Variants in KCNMA1 observed in about 807,000 individuals in gnomAD.
KCNMA1 encodes Calcium-activated potassium channel subunit alpha-1.
KCNMA1 carries 29 observed loss-of-function variants against 140.0 expected under a neutral mutation model. That is an observed-to-expected ratio of 0.21 (90% CI 0.15 to 0.28). The LOEUF is 0.28. Among genes scored for constraint, KCNMA1 ranks in the 10% least tolerant of loss-of-function variants. KCNMA1 has a pLI of 1.00. For synonymous variants in KCNMA1, 612 were observed against 611.9 expected (o/e 1.00, Z 0.00); for missense variants, 880 against 1,602.2 (o/e 0.55, Z 7.70).
intron 3 of KCNMA1, among the ~76,000 whole-genome samples, chr10:77,198,474 C>T (rs2041358041): frequency 6.6e-6 from 1 of 151,630 alleles, no homozygotes; most frequent in Non-Finnish European, 1.5e-5. Flanking sequence ...TCACCTCATA[C>T]ATATTGACCA....
chr10:76,952,151 G>A (rs2066507248), intron 21 of KCNMA1: 1 of 1,551,460 alleles, frequency 6.4e-7, no homozygotes, highest in Non-Finnish European at 8.7e-7. Flanking sequence ...ACGGCATCCA[G>A]CCTGTGACCT....
intron 1 of KCNMA1, among the ~76,000 whole-genome samples, chr10:77,436,152 C>T (rs887082780): frequency 2.0e-5 from 3 of 152,176 alleles, no homozygotes; most frequent in African/African-American, 7.2e-5. Flanking sequence ...AAGTCTGGTC[C>T]AAAATCCGTT....
intron 3 of KCNMA1, among the ~76,000 whole-genome samples, chr10:77,191,521 C>A (rs2098938211): frequency 6.6e-6 from 1 of 152,080 alleles, no homozygotes; most frequent in Admixed American, 6.6e-5. Context: ...AATATCGATT[C>A]TTCTCATGTT....
chr10:77,161,341 T>C (rs2098552107), intron 5 of KCNMA1, among the ~76,000 whole-genome samples: 1 of 152,042 alleles, frequency 6.6e-6, no homozygotes, highest in South Asian at 2.1e-4. Flanking sequence ...TCAACCTCTT[T>C]GCCTCAAGCG....
At chr10:77,529,859 T>G (rs1010451121) in intron 1 of KCNMA1, among the ~76,000 whole-genome samples, 1 of 152,128 alleles carries the variant, frequency 6.6e-6, no homozygotes, top group African/African-American at 2.4e-5. Flanking sequence ...GTGGACAGCC[T>G]GGCCTTGGAT....
At chr10:77,117,346 C>T (rs936956043) in intron 6 of KCNMA1, among the ~76,000 whole-genome samples, 2 of 151,628 alleles carry the variant, frequency 1.3e-5, no homozygotes, top group African/African-American at 4.8e-5. Flanking sequence ...GTCAAAAGTT[C>T]GAGACCAGCG....
rs1392875175 is a variant in KCNMA1 at position 77,393,289 on chromosome 10, C to T, written c.540+10573G>A. ...GAGGCTCAAGGGCTGTTCTTCTACC[C>T]CTGCCCCAGAAAAGGATTTGTTCTT... is the stretch of plus-strand genomic sequence containing the variant. On this transcript the variant is annotated intron_variant, in intron 2 of 27. Transcript: ENST00000286628. Among the ~76,000 whole-genome samples, 3 of 151,424 alleles carry T rather than the reference C, an allele frequency of 2.0e-5. No homozygotes were observed. The South Asian group carries it at 6.3e-4, about 32-fold the overall frequency.
At chr10:77,449,658 T>C (rs1171748157) in intron 1 of KCNMA1, among the ~76,000 whole-genome samples, 1 of 150,698 alleles carries the variant, frequency 6.6e-6, no homozygotes, top group Non-Finnish European at 1.5e-5. Context: ...TTTTTTTTTT[T>C]TTGAGACGGA....
intron 2 of KCNMA1, among the ~76,000 whole-genome samples, chr10:77,339,181 A>G (rs1000642131): frequency 1.3e-5 from 2 of 151,044 alleles, no homozygotes; most frequent in African/African-American, 4.9e-5. Context: ...CAATAAAGGA[A>G]AAAAAAAAGG....
In KCNMA1 at chr10:77,587,843, G is replaced by A. The variant is rs369657193; in HGVS notation, c.378+49422C>T. On this transcript the variant is annotated intron_variant, in intron 1 of 27. Transcript: ENST00000286628. ...TTATCTCACCGACAGATCATCTCACGGCCCCAGTCTTCAGATATATGTGCC... is the reference window on the plus strand; with the variant it reads ...TTATCTCACCGACAGATCATCTCACAGCCCCAGTCTTCAGATATATGTGCC... 212 of 985,274 alleles carry A rather than the reference G, an allele frequency of 2.2e-4. No individual in the cohort carries two copies. In the African/African-American group the frequency reaches 2.7e-3, roughly 13 times the overall value. 61.0% of individuals were successfully genotyped at this position (985,274 alleles called of 1,614,324 possible).
intron 14 of KCNMA1, among the ~76,000 whole-genome samples, chr10:77,039,843 T>C (rs1431928509): frequency 6.6e-6 from 1 of 151,778 alleles, no homozygotes; most frequent in African/African-American, 2.4e-5. Flanking sequence ...AAACACTTTT[T>C]TAACCTGTGT....
At chr10:77,053,671 G>T (rs550016175) in intron 14 of KCNMA1, among the ~76,000 whole-genome samples, 1 of 152,262 alleles carries the variant, frequency 6.6e-6, no homozygotes, top group Admixed American at 6.5e-5. Flanking sequence ...ACCTTAGAGG[G>T]TGGTTTTATA....
At chr10:76,904,258 T>G (rs867881798) in intron 25 of KCNMA1, 3 of 152,216 alleles carry the variant, frequency 2.0e-5, no homozygotes, top group African/African-American at 7.2e-5. Context: ...GTTTCCCTCC[T>G]CCAAGTCACT....
At chr10:77,070,391 C>T (rs1018392141) in intron 14 of KCNMA1, among the ~76,000 whole-genome samples, 5 of 152,098 alleles carry the variant, frequency 3.3e-5, no homozygotes, top group African/African-American at 1.2e-4. Context: ...CTGTTACAGT[C>T]TTGTTTCTCT....
At chr10:77,123,048 C>T (rs1046313654) in intron 5 of KCNMA1, among the ~76,000 whole-genome samples, 10 of 150,974 alleles carry the variant, frequency 6.6e-5, no homozygotes, top group African/African-American at 1.7e-4. Flanking sequence ...GGCGTGGTGG[C>T]GGGCGCCTGT....
chr10:77,156,450 T>G (rs1217005227), intron 5 of KCNMA1, among the ~76,000 whole-genome samples: 1 of 152,188 alleles, frequency 6.6e-6, no homozygotes, highest in Non-Finnish European at 1.5e-5. Flanking sequence ...GACTCCCTCT[T>G]GCTTCCAACT....
At chr10:77,039,943 G>C (rs1323149873) in intron 14 of KCNMA1, among the ~76,000 whole-genome samples, 1 of 126,360 alleles carries the variant, frequency 7.9e-6, no homozygotes, top group Non-Finnish European at 1.6e-5. Flanking sequence ...CTGGAGTGCA[G>C]TGGGTCATAG....
chr10:77,559,147 T>A lies in KCNMA1; in HGVS notation c.378+78118A>T, dbSNP rs1439328866. ...TAAAAGGTGAGGTCTAATGGTGGCC[T>A]CTTTGGGACAACCTTAGGGCAATGG... On this transcript the variant is annotated intron_variant, in intron 1 of 27. Coordinates refer to ENST00000286628, the MANE Select transcript of KCNMA1 (RefSeq NM_001161352.2). 6.6e-5 allele frequency among the ~76,000 whole-genome samples: 10 copies of A among 152,222 alleles called. No homozygotes were observed. In the East Asian group the frequency reaches 1.7e-3, roughly 26 times the overall value.
chr10:77,181,120 C>G (rs1225462389), intron 5 of KCNMA1, among the ~76,000 whole-genome samples: 1 of 152,170 alleles, frequency 6.6e-6, no homozygotes, highest in African/African-American at 2.4e-5. Flanking sequence ...CCCAGGCCCA[C>G]AGGGGACCAA....
Sources: gnomAD v4.1 joint callset for allele counts (sites outside exome capture counted in the v4.1 genomes callset) on GRCh38, gnomAD v4.1.1 for gene constraint, MANE v1.5 for transcripts, NCBI Gene and HGNC (gene_info 2026-07-23, HGNC 2026-07-21) for gene names.